MYLK4: variants seen among roughly 807,000 people sequenced by gnomAD.
The protein encoded by MYLK4 is caMLCK like.
In MYLK4, 46 loss-of-function variants were observed where a neutral mutation model predicts 48.1. That is an observed-to-expected ratio of 0.96 (90% CI 0.75 to 1.22). The LOEUF (loss-of-function observed/expected upper bound fraction) is 1.22, where lower values mean the gene tolerates loss of function less well. MYLK4 is among the 50% of genes most tolerant of loss of function. The probability of loss-of-function intolerance (pLI) is 0.00; values close to 1 mark genes in which losing one functional copy is unlikely to be tolerated. For missense variants in MYLK4, 451 were observed against 486.1 expected, an observed-to-expected ratio of 0.93 and a Z score of 0.68; for synonymous variants, 170 against 180.8, an observed-to-expected ratio of 0.94 and a Z score of 0.48.
chr6:2,681,580 A>C (rs4626466), intron 7 of MYLK4, among the ~76,000 whole-genome samples: 39,957 of 152,152 alleles, frequency 0.26, 6,099 homozygotes, highest in East Asian at 0.44. Context: ...GATAAAATTA[A>C]ACAATGTTCA....
At chr6:2,765,759 G>C in the MYLK4 span, 10 of 1,486,090 alleles carry the variant, frequency 6.7e-6, no homozygotes, top group Admixed American at 1.1e-4. Flanking sequence ...CACCCGGCGG[G>C]GCACGCGGAG....
rs1415272684 is a variant in MYLK4 at position 2,672,025 on chromosome 6, T to C, written c.1120-677A>G. Reference sequence around the variant, plus strand: ...AAGGTCTGAGCTGTAATTAAGGAACTAATGATTTGATAGATTAGGGAAGAG... The same window carrying C: ...AAGGTCTGAGCTGTAATTAAGGAACCAATGATTTGATAGATTAGGGAAGAG... On this transcript the variant is annotated intron_variant, in intron 11 of 12. Coordinates refer to ENST00000274643, the MANE Select transcript of MYLK4 (RefSeq NM_001012418.5). The surrounding 1 kb of genome is among the most constrained non-coding windows in gnomAD (Gnocchi z 4.3). Among the ~76,000 whole-genome samples, 2 of 152,174 alleles carry C rather than the reference T, an allele frequency of 1.3e-5. No homozygotes were observed. The highest frequency in any genetic ancestry group is 2.4e-5 in the African/African-American group (1 of 41,446).
chr6:2,718,113 G>A (rs1762933908), intron 2 of MYLK4, among the ~76,000 whole-genome samples: 1 of 150,994 alleles, frequency 6.6e-6, no homozygotes, highest in Admixed American at 6.6e-5. Flanking sequence ...CTGGGAGGTG[G>A]AGATTGCAGT....
the MYLK4 span, among the ~76,000 whole-genome samples, chr6:2,762,519 G>GT: frequency 1.3e-5 from 2 of 152,154 alleles, no homozygotes; most frequent in South Asian, 4.2e-4. Flanking sequence ...CTCTATAAAT[G>GT]TTTAAAATCA....
chr6:2,762,512 TATAA>T, the MYLK4 span, among the ~76,000 whole-genome samples: 1,845 of 152,362 alleles, frequency 0.012, 28 homozygotes, highest in South Asian at 0.062. Flanking sequence ...ACGTTATCTC[TATAA>T]ATGTTTAAAA....
the MYLK4 span, chr6:2,768,784 C>A: frequency 1.2e-5 from 20 of 1,613,552 alleles, no homozygotes; most frequent in Non-Finnish European, 1.7e-5. Flanking sequence ...AAATGATGTG[C>A]GAGATGTCAT....
rs920779142 is a variant in MYLK4, at chr6:2,664,396, T to C, written c.*3529A>G. On this transcript the variant is annotated 3_prime_UTR_variant, in exon 13 of 13. Coordinates refer to ENST00000274643, the MANE Select transcript of MYLK4 (RefSeq NM_001012418.5). ...GGACCACAGCCCTCCAGGGGCCTGA[T>C]GCTGCCTCTCACTTGTGCTTTTACA... The C allele has an allele frequency of 5.9e-5, 9 of 152,226 alleles. No homozygotes were observed. Among genetic ancestry groups the C allele is most frequent in the African/African-American group, 2.2e-4 (9 of 41,456 alleles). The allele number at this position is 152,226 out of a possible 1,614,324, so 9.4% of individuals were successfully genotyped here. A position where few individuals can be genotyped will look rare whatever the true frequency, so the allele number is the denominator to read the frequency against.
chr6:2,674,384 T>G (rs937446343), intron 11 of MYLK4, among the ~76,000 whole-genome samples: 3 of 152,198 alleles, frequency 2.0e-5, no homozygotes, highest in African/African-American at 7.2e-5. Context: ...AGGAGGCATA[T>G]TTCTCCTGAA....
chr6:2,685,280 C>G lies in MYLK4; in HGVS notation c.545+16G>C. 1 of 1,578,658 alleles carries G rather than the reference C, an allele frequency of 6.3e-7. No individual in the cohort carries two copies. Reference sequence around the variant, plus strand: ...GCCCTTGGGGAGGTCAGGGAGGGGGCGGAGGGGATACGTACTACTCCATGA... The same window carrying G: ...GCCCTTGGGGAGGTCAGGGAGGGGGGGGAGGGGATACGTACTACTCCATGA... On this transcript the variant is annotated intron_variant, in intron 6 of 12. Coordinates refer to ENST00000274643, the MANE Select transcript of MYLK4 (RefSeq NM_001012418.5). The surrounding 1 kb of genome is among the most constrained non-coding windows in gnomAD (Gnocchi z 4.5).
intron 2 of MYLK4, among the ~76,000 whole-genome samples, chr6:2,709,577 T>C (rs914835774): frequency 6.6e-6 from 1 of 152,250 alleles, no homozygotes; most frequent in African/African-American, 2.4e-5. Context: ...GTACAGCACA[T>C]GGCAACCCAG....
chr6:2,770,290 C>T, the MYLK4 span: 1 of 1,614,138 alleles, frequency 6.2e-7, no homozygotes, highest in African/African-American at 1.3e-5. Context: ...CGATCAACTC[C>T]CTGGGAATCC....
chr6:2,722,129 C>A (rs7772452), intron 2 of MYLK4, among the ~76,000 whole-genome samples: 1 of 152,116 alleles, frequency 6.6e-6, no homozygotes, highest in African/African-American at 2.4e-5. Context: ...CAGACTTAGA[C>A]GGCAACTACT....
chr6:2,765,238 G>A, the MYLK4 span, among the ~76,000 whole-genome samples: 1 of 136,562 alleles, frequency 7.3e-6, no homozygotes, highest in Non-Finnish European at 1.5e-5. Context: ...AGTCGGAAAT[G>A]GACGCACGGC....
intron 2 of MYLK4, among the ~76,000 whole-genome samples, chr6:2,725,577 A>AAGAAAGAAAGAAAGAAAG (rs748564605): frequency 0.046 from 5,925 of 128,816 alleles, 155 homozygotes; most frequent in Admixed American, 0.06. Context: ...GAAAGAAAGA[A>AAGAAAGAAAGAAAGAAAG]AAAGAAAGAG....
rs1210780105 is a variant in MYLK4, at chr6:2,664,372, G to A, written c.*3553C>T. 2 of 152,336 alleles carry A rather than the reference G, an allele frequency of 1.3e-5. No homozygotes were observed. Among genetic ancestry groups the A allele is most frequent in the East Asian group, 3.9e-4 (2 of 5,184 alleles). 9.4% of individuals were successfully genotyped at this position (152,336 alleles called of 1,614,324 possible). A position where few individuals can be genotyped will look rare whatever the true frequency, so the allele number is the denominator to read the frequency against. ...GGGACAGGAAAGAACCGAGTCCGAG[G>A]ACCACAGCCCTCCAGGGGCCTGATG... On this transcript the variant is annotated 3_prime_UTR_variant, in exon 13 of 13. Transcript: ENST00000274643.
In MYLK4 at chr6:2,685,165, T is replaced by G; in HGVS notation, c.545+131A>C. ...TTCTAGAACTGATGTGATTGTGTGA[T>G]CCGCGCGAATCAGAGTCTGCGGGGG... On this transcript the variant is annotated intron_variant, in intron 6 of 12. Coordinates refer to ENST00000274643, the MANE Select transcript of MYLK4 (RefSeq NM_001012418.5). This position sits in a 1 kb window ranked among gnomAD's most constrained non-coding sequence, Gnocchi z 4.5. The G allele has an allele frequency of 1.5e-6, 1 of 666,302 alleles. No homozygotes were observed. Among genetic ancestry groups the G allele is most frequent in the Admixed American group, 2.2e-5 (1 of 45,822 alleles). The allele number at this position is 666,302 out of a possible 1,614,324, so 41.3% of individuals were successfully genotyped here. A position where few individuals can be genotyped will look rare whatever the true frequency, so the allele number is the denominator to read the frequency against.
intron 1 of MYLK4, among the ~76,000 whole-genome samples, chr6:2,750,200 G>A (rs1229513425): frequency 6.6e-6 from 1 of 152,078 alleles, no homozygotes; most frequent in Admixed American, 6.5e-5. Flanking sequence ...TCCGAAAAGC[G>A]CCTCTTCGAG....
In MYLK4 at chr6:2,749,187, ACACTT is replaced by A. The variant is rs769662296; in HGVS notation, c.103_107del (p.Lys35PhefsTer16). ...GGTCCCCAGAATTTTTTTCCAGAAA[ACACTT>A]CACTTTCTCCACCTCTTCCCTGCAC... is the stretch of plus-strand genomic sequence containing the variant. On this transcript the variant is annotated frameshift_variant, in exon 2 of 13. Coordinates refer to ENST00000274643, the MANE Select transcript of MYLK4 (RefSeq NM_001012418.5). LOFTEE classifies it high-confidence loss of function. 7 of 1,613,840 alleles carry A rather than the reference ACACTT, an allele frequency of 4.3e-6. No homozygotes were observed. Among genetic ancestry groups the A allele is most frequent in the Non-Finnish European group, 5.9e-6 (7 of 1,179,978 alleles).
At chr6:2,731,257 CA>C (rs148252520) in intron 2 of MYLK4, among the ~76,000 whole-genome samples, 25,961 of 151,326 alleles carry the variant, frequency 0.17, 2,733 homozygotes, top group African/African-American at 0.3. Flanking sequence ...TTAGGGGTGA[CA>C]AAAAAAATGG....
Sources: allele counts gnomAD v4.1 joint callset (sites outside exome capture counted in the v4.1 genomes callset), GRCh38; gene constraint gnomAD v4.1.1; non-coding constraint Gnocchi (gnomAD v3.1); transcripts MANE v1.5; gene names NCBI Gene and HGNC (gene_info 2026-07-23, HGNC 2026-07-21).